The following MYO5B variants were observed in gnomAD, a reference collection of about 807,000 sequenced individuals.
MYO5B encodes the protein myosin VB, also known as unconventional myosin-Vb.
MYO5B carries 143 observed loss-of-function variants against 229.3 expected under a neutral mutation model. The ratio of observed to expected loss-of-function variants is 0.62; its 90% confidence interval spans 0.54 to 0.72. The LOEUF (loss-of-function observed/expected upper bound fraction) is 0.72, where lower values mean the gene tolerates loss of function less well. Ranked by LOEUF, MYO5B falls within the 30% of genes least tolerant of loss-of-function variation. The pLI is 0.00. For missense variants in MYO5B, 2,321 were observed against 2,331.0 expected (o/e 1.00, Z 0.09); for synonymous variants, 918 against 885.2 (o/e 1.04, Z -0.66).
At chr18:49,967,802 T>C (rs1240442947) in intron 10 of MYO5B, among the ~76,000 whole-genome samples, 1 of 152,152 alleles carries the variant, frequency 6.6e-6, no homozygotes, top group Admixed American at 6.5e-5. Context: ...TACCTTGGAA[T>C]GGTGGGGCCT....
chr18:50,178,061 T>C (rs142241387), intron 1 of MYO5B, among the ~76,000 whole-genome samples: 1 of 152,322 alleles, frequency 6.6e-6, no homozygotes, highest in East Asian at 1.9e-4. Context: ...CCCGGCACCA[T>C]GCTAAGCATC....
At chr18:50,084,871 C>T (rs2031298351) in intron 1 of MYO5B, among the ~76,000 whole-genome samples, 1 of 152,114 alleles carries the variant, frequency 6.6e-6, no homozygotes, top group Non-Finnish European at 1.5e-5. Context: ...ATGTAGAAAG[C>T]TGAAACTGGA....
intron 17 of MYO5B, among the ~76,000 whole-genome samples, chr18:49,916,322 G>C (rs1021967487): frequency 1.6e-4 from 25 of 152,224 alleles, no homozygotes; most frequent in African/African-American, 4.8e-4. Flanking sequence ...GGATGAACCT[G>C]GAGAACAGGA....
chr18:49,861,298 G>A (rs1232480494), intron 29 of MYO5B, among the ~76,000 whole-genome samples: 2 of 152,150 alleles, frequency 1.3e-5, no homozygotes, highest in Non-Finnish European at 2.9e-5. Flanking sequence ...AGCAGCCCCT[G>A]GGAAAACCTA....
chr18:49,939,674 G>A (rs1360845642), intron 14 of MYO5B, among the ~76,000 whole-genome samples: 1 of 152,194 alleles, frequency 6.6e-6, no homozygotes, highest in African/African-American at 2.4e-5. Flanking sequence ...AGCTCTCAAA[G>A]GGCTGCTAGT....
intron 24 of MYO5B, 39 bp downstream of exon 24, chr18:49,878,906 G>A: frequency 3.1e-6 from 5 of 1,612,100 alleles, no homozygotes; most frequent in Non-Finnish European, 4.2e-6. Context: ...ACAGGAGCCA[G>A]GGACCTGTGC....
intron 38 of MYO5B, among the ~76,000 whole-genome samples, chr18:49,835,684 T>C (rs959116939): frequency 3.3e-5 from 5 of 152,182 alleles, no homozygotes; most frequent in African/African-American, 1.2e-4. Context: ...ACTATGCTCA[T>C]TGGTATACAC....
rs16951221 is a variant in MYO5B, at chr18:49,916,770, A to G, written c.2091-4597T>C. On this transcript the variant is annotated intron_variant, in intron 17 of 39. Coordinates refer to ENST00000285039, the MANE Select transcript of MYO5B (RefSeq NM_001080467.3). ...GGGGTCTGGGAAAAGGGCTGTAAAG[A>G]TGTCGCTCCCCGAAGGACCCAGCAT... is the stretch of plus-strand genomic sequence containing the variant. 9.3e-3 allele frequency among the ~76,000 whole-genome samples: 1,417 copies of G among 152,192 alleles called. 27 individuals carry two copies. The highest frequency in any genetic ancestry group is 0.033 in the African/African-American group (1,364 of 41,530).
intron 1 of MYO5B, among the ~76,000 whole-genome samples, chr18:50,063,219 G>C (rs546723983): frequency 6.6e-6 from 1 of 152,222 alleles, no homozygotes; most frequent in East Asian, 1.9e-4. Context: ...CCCCAGCGGC[G>C]AGCCATGCTT....
intron 1 of MYO5B, among the ~76,000 whole-genome samples, chr18:50,087,922 G>C (rs1014575469): frequency 6.6e-6 from 1 of 152,228 alleles, no homozygotes; most frequent in Non-Finnish European, 1.5e-5. Flanking sequence ...AGAGTATTAA[G>C]AGCCACAAGA....
At chr18:49,940,658 T>C (rs1478294344) in intron 14 of MYO5B, among the ~76,000 whole-genome samples, 1 of 152,180 alleles carries the variant, frequency 6.6e-6, no homozygotes, top group Admixed American at 6.5e-5. Context: ...ATTTTTCACA[T>C]ATTAAAGTAA....
chr18:49,926,287 T>C (rs1004577086), intron 17 of MYO5B, among the ~76,000 whole-genome samples: 1 of 152,176 alleles, frequency 6.6e-6, no homozygotes, highest in Non-Finnish European at 1.5e-5. Flanking sequence ...CATTTAGGAA[T>C]TGTTTGTGGT....
Position 49,841,261 on chromosome 18 carries a change from G to A in MYO5B, c.4701+104C>T, listed in dbSNP as rs1025311966. On this transcript the variant is annotated intron_variant, in intron 35 of 39. Coordinates refer to ENST00000285039, the MANE Select transcript of MYO5B (RefSeq NM_001080467.3). ...TGTGCCCACGGTCTGAGGTCCCCAA[G>A]GGTGCTCCAAAGACCCCACTGACCT... The A allele has an allele frequency of 3.3e-5, 35 of 1,074,376 alleles. No individual in the cohort carries two copies. In the African/African-American group the frequency reaches 4.8e-4, roughly 15 times the overall value. 66.6% of individuals were successfully genotyped at this position (1,074,376 alleles called of 1,614,324 possible).
chr18:50,005,231 C>T (rs565811528), intron 4 of MYO5B, among the ~76,000 whole-genome samples: 6 of 152,284 alleles, frequency 3.9e-5, no homozygotes, highest in African/African-American at 1.4e-4. Context: ...ATGCATACTC[C>T]TAATGCTAAA....
chr18:50,078,618 C>G (rs1309517702), intron 1 of MYO5B, among the ~76,000 whole-genome samples: 2 of 152,184 alleles, frequency 1.3e-5, no homozygotes, highest in Non-Finnish European at 2.9e-5. Flanking sequence ...GGATGTGGAA[C>G]AAGCCTTTAT....
intron 4 of MYO5B, among the ~76,000 whole-genome samples, chr18:50,034,281 G>A (rs1482541404): frequency 6.6e-6 from 1 of 152,192 alleles, no homozygotes; most frequent in African/African-American, 2.4e-5. Context: ...GTGTTCTAGT[G>A]TCTAAAACTG....
chr18:49,859,062 G>A (rs1199607760), intron 29 of MYO5B, among the ~76,000 whole-genome samples: 1 of 152,336 alleles, frequency 6.6e-6, no homozygotes, highest in African/African-American at 2.4e-5. Context: ...TTAACTCACT[G>A]CAGTCAGTCT....
chr18:50,185,655 T>C (rs1482239307), intron 1 of MYO5B, among the ~76,000 whole-genome samples: 1 of 152,228 alleles, frequency 6.6e-6, no homozygotes, highest in Non-Finnish European at 1.5e-5. Flanking sequence ...CATAAATTTG[T>C]GCAATTATTA....
chr18:49,962,431 G>T, intron 11 of MYO5B, 25 bp from the exon 12 acceptor site: 1 of 1,614,026 alleles, frequency 6.2e-7, no homozygotes, highest in Non-Finnish European at 8.5e-7. Flanking sequence ...AAGGTCACAC[G>T]AGTGAACTGC....
Sources: allele counts gnomAD v4.1 joint callset (sites outside exome capture counted in the v4.1 genomes callset), GRCh38; gene constraint gnomAD v4.1.1; transcripts MANE v1.5; gene names NCBI Gene and HGNC (gene_info 2026-07-23, HGNC 2026-07-21).